IL1RAPL1: variants seen among roughly 807,000 people sequenced by gnomAD.
The protein encoded by IL1RAPL1 is interleukin 1 receptor accessory protein like 1, also known as interleukin-1 receptor accessory protein-like 1.
In IL1RAPL1, 3 loss-of-function variants were observed where a neutral mutation model predicts 48.4. The observed-to-expected ratio is 0.06, with a 90% confidence interval of 0.03 to 0.16. The LOEUF is 0.16. Among genes scored for constraint, IL1RAPL1 ranks in the 10% least tolerant of loss-of-function variants. The pLI is 1.00. For missense variants in IL1RAPL1, 349 were observed against 530.6 expected, an observed-to-expected ratio of 0.66 and a Z score of 3.36; for synonymous variants, 185 against 187.7, an observed-to-expected ratio of 0.99 and a Z score of 0.12.
intron 1 of IL1RAPL1, among the ~76,000 whole-genome samples, chrX:28,640,601 T>A (rs1934525263): frequency 1.8e-5 from 2 of 109,877 alleles, no homozygotes; most frequent in African/African-American, 3.3e-5. Context: ...TCCACCCACC[T>A]TGGCGTCCCA....
intron 6 of IL1RAPL1, among the ~76,000 whole-genome samples, chrX:29,885,318 C>T (rs1278115120): frequency 8.9e-6 from 1 of 112,071 alleles, no homozygotes; most frequent in Non-Finnish European, 1.9e-5. Context: ...ACCTTTTCTC[C>T]TTTCCCCATA....
chrX:28,849,917 A>G (rs1921616557), intron 2 of IL1RAPL1, among the ~76,000 whole-genome samples: 1 of 112,147 alleles, frequency 8.9e-6, no homozygotes, highest in African/African-American at 3.2e-5. Context: ...AACTAATGCC[A>G]GTACTCCCTT....
chrX:29,380,800 G>A (rs1300461174), intron 3 of IL1RAPL1, among the ~76,000 whole-genome samples: 1 of 111,539 alleles, frequency 9.0e-6, no homozygotes, highest in South Asian at 3.7e-4. Flanking sequence ...GTATAGCAAG[G>A]ACAAAATCCT....
intron 9 of IL1RAPL1, among the ~76,000 whole-genome samples, chrX:29,950,867 A>C (rs939716939): frequency 6.4e-5 from 7 of 109,865 alleles, no homozygotes; most frequent in Non-Finnish European, 1.1e-4. Context: ...TTTAGTAGAG[A>C]CGAGGTTTCA....
intron 1 of IL1RAPL1, among the ~76,000 whole-genome samples, chrX:28,726,880 A>G (rs900965746): frequency 8.9e-6 from 1 of 111,776 alleles, no homozygotes; most frequent in African/African-American, 3.3e-5. Flanking sequence ...CTTCATTTAG[A>G]TACATTGCAG....
intron 5 of IL1RAPL1, among the ~76,000 whole-genome samples, chrX:29,594,948 A>G (rs1313342392): frequency 9.0e-6 from 1 of 111,327 alleles, no homozygotes; most frequent in Non-Finnish European, 1.9e-5. Flanking sequence ...GTGTCCTTAT[A>G]GCTTAGCTCC....
chrX:29,512,477 A>T (rs781104252), intron 5 of IL1RAPL1, among the ~76,000 whole-genome samples: 1 of 110,907 alleles, frequency 9.0e-6, no homozygotes, highest in East Asian at 2.8e-4. Flanking sequence ...AAAACAAATG[A>T]TCAGTACTTT....
At chrX:28,824,336 T>A (rs1367772972) in intron 2 of IL1RAPL1, among the ~76,000 whole-genome samples, 1 of 111,480 alleles carries the variant, frequency 9.0e-6, no homozygotes, top group Admixed American at 9.6e-5. Flanking sequence ...CTATGCTTTT[T>A]CTTTGGTGTC....
intron 6 of IL1RAPL1, among the ~76,000 whole-genome samples, chrX:29,678,294 T>C (rs777846872): frequency 9.5e-6 from 1 of 105,719 alleles, no homozygotes; most frequent in South Asian, 4.3e-4. Flanking sequence ...ATAGCAAAAC[T>C]TCATGAAGAG....
At chrX:28,646,801 T>A (rs1243799377) in intron 1 of IL1RAPL1, among the ~76,000 whole-genome samples, 3 of 112,620 alleles carry the variant, frequency 2.7e-5, no homozygotes, top group Non-Finnish European at 5.6e-5. Flanking sequence ...CATTCCATAA[T>A]TTTTATTCTC....
At position 28,872,660 on chromosome X, in the gene IL1RAPL1, C is replaced by T. The variant is rs747929577; in HGVS notation, c.82+83235C>T. 7.7e-4 allele frequency among the ~76,000 whole-genome samples: 86 copies of T among 111,626 alleles called. 1 individual carries two copies. The South Asian group carries it at 0.032, about 42-fold the overall frequency. ...TTTAATTGCTTTTAAAAATTGATTTCCATGGAAAAGAGGTCACTGATTATT... is the reference window on the plus strand; with the variant it reads ...TTTAATTGCTTTTAAAAATTGATTTTCATGGAAAAGAGGTCACTGATTATT... On this transcript the variant is annotated intron_variant, in intron 2 of 10. Transcript: ENST00000378993.
chrX:29,953,631 C>T (rs1933357009), intron 9 of IL1RAPL1, among the ~76,000 whole-genome samples: 1 of 111,188 alleles, frequency 9.0e-6, no homozygotes, highest in African/African-American at 3.3e-5. Flanking sequence ...TGAGTGGAGA[C>T]CAGAAAAATA....
chrX:28,597,534 C>A (rs1945092292), intron 1 of IL1RAPL1, among the ~76,000 whole-genome samples: 1 of 110,898 alleles, frequency 9.0e-6, no homozygotes, highest in Non-Finnish European at 1.9e-5. Context: ...GAGTTCGAGA[C>A]CAGCCTGACC....
intron 6 of IL1RAPL1, among the ~76,000 whole-genome samples, chrX:29,907,489 A>G (rs1932658882): frequency 1.8e-5 from 2 of 111,248 alleles, no homozygotes; most frequent in South Asian, 7.4e-4. Flanking sequence ...ATTTTTCTAT[A>G]TTATATGAAA....
At chrX:28,649,215 C>A (rs1569145042) in intron 1 of IL1RAPL1, among the ~76,000 whole-genome samples, 1 of 111,879 alleles carries the variant, frequency 8.9e-6, no homozygotes, top group Non-Finnish European at 1.9e-5. Flanking sequence ...AAAAACATGC[C>A]TTTATTGTTC....
At chrX:29,217,777 TCACA>T (rs750727005) in intron 2 of IL1RAPL1, among the ~76,000 whole-genome samples, 2,365 of 60,547 alleles carry the variant, frequency 0.039, 52 homozygotes, top group African/African-American at 0.14. Flanking sequence ...TCTCTCTCTC[TCACA>T]CACACACACA....
In IL1RAPL1 at chrX:29,269,622, CT is replaced by C. The variant is rs769725561; in HGVS notation, c.83-13301del. Among the ~76,000 whole-genome samples, 654 of 96,949 alleles carry C rather than the reference CT, an allele frequency of 6.7e-3. 2 individuals are homozygous for C. Among genetic ancestry groups the C allele is most frequent in the African/African-American group, 0.012 (325 of 26,982 alleles). 84.2% of individuals were successfully genotyped at this position (96,949 alleles called of 115,157 possible). On this transcript the variant is annotated intron_variant, in intron 2 of 10. Coordinates refer to ENST00000378993, the MANE Select transcript of IL1RAPL1 (RefSeq NM_014271.4). ...AGAGTTTAAGGTTCAAGGCAACCTT[CT>C]TTTTTTTTTTTTTTCTGTGCTGCCA... is the stretch of plus-strand genomic sequence containing the variant.
chrX:28,980,933 T>G (rs1569212827), intron 2 of IL1RAPL1, among the ~76,000 whole-genome samples: 1 of 103,436 alleles, frequency 9.7e-6, no homozygotes. Context: ...TACTAAAAAT[T>G]AAAAAAAATT....
At chrX:29,319,364 A>ATTTATTTTTTTTTTTTTT (rs1932786109) in intron 3 of IL1RAPL1, among the ~76,000 whole-genome samples, 1 of 58,137 alleles carries the variant, frequency 1.7e-5, no homozygotes, top group Non-Finnish European at 3.1e-5. Flanking sequence ...GATAAATTTA[A>ATTTATTTTTTTTTTTTTT]TTTTTTTTTT....
Sources: gnomAD v4.1 joint callset for allele counts (sites outside exome capture counted in the v4.1 genomes callset) on GRCh38, gnomAD v4.1.1 for gene constraint, MANE v1.5 for transcripts, NCBI Gene and HGNC (gene_info 2026-07-23, HGNC 2026-07-21) for gene names.